Variants in NOL4 observed in about 807,000 individuals in gnomAD.
NOL4 encodes the protein nucleolar protein 4, also known as cancer/testis antigen 125.
Under a neutral mutation model 75.9 loss-of-function variants are expected in NOL4, and 17 were observed. The ratio of observed to expected loss-of-function variants is 0.22; its 90% CI spans 0.15 to 0.34. NOL4 has a LOEUF of 0.34. NOL4 is among the 10% of genes least tolerant of loss of function. The pLI, the probability that NOL4 is intolerant of heterozygous loss-of-function variation, is 1.00. For missense variants in NOL4, 614 were observed against 793.5 expected, an observed-to-expected ratio of 0.77 and a Z score of 2.72; for synonymous variants, 292 against 289.9, an observed-to-expected ratio of 1.01 and a Z score of -0.07.
At chr18:34,096,233 A>G (rs534990491) in intron 4 of NOL4, among the ~76,000 whole-genome samples, 41 of 152,182 alleles carry the variant, frequency 2.7e-4, no homozygotes, top group Non-Finnish European at 5.4e-4. Flanking sequence ...ATTTACCATC[A>G]TAAGTGGCTT....
chr18:33,954,256 T>C (rs957831339), intron 8 of NOL4, among the ~76,000 whole-genome samples: 4 of 152,174 alleles, frequency 2.6e-5, no homozygotes, highest in Non-Finnish European at 5.9e-5. Flanking sequence ...AAAATGTCTA[T>C]ACGTGTTCAA....
chr18:34,155,713 C>T (rs776616770), intron 1 of NOL4, among the ~76,000 whole-genome samples: 2 of 151,982 alleles, frequency 1.3e-5, no homozygotes, highest in Non-Finnish European at 2.9e-5. Context: ...TCATCATATA[C>T]ACTACTCATC....
At chr18:34,105,953 G>A (rs1179466747) in intron 2 of NOL4, among the ~76,000 whole-genome samples, 1 of 151,960 alleles carries the variant, frequency 6.6e-6, no homozygotes, top group Non-Finnish European at 1.5e-5. Context: ...AATTCCTTAT[G>A]TGAAACTGAT....
intron 5 of NOL4, among the ~76,000 whole-genome samples, chr18:34,086,298 AACATCCTTTTAACAATT>A (rs1482335153): frequency 6.6e-6 from 1 of 152,180 alleles, no homozygotes; most frequent in Non-Finnish European, 1.5e-5. Flanking sequence ...TAAAAGAATC[AACATCCTTTTAACAATT>A]TTTGCTCTAT....
At chr18:33,916,998 CTT>C (rs1213476124) in intron 9 of NOL4, among the ~76,000 whole-genome samples, 2 of 152,272 alleles carry the variant, frequency 1.3e-5, no homozygotes, top group African/African-American at 4.8e-5. Flanking sequence ...GAAAACCTCT[CTT>C]TGATGGGATT....
intron 5 of NOL4, among the ~76,000 whole-genome samples, chr18:34,088,012 A>G (rs1469543962): frequency 6.6e-6 from 1 of 151,264 alleles, no homozygotes; most frequent in Non-Finnish European, 1.5e-5. Context: ...AAATGCAAAT[A>G]TATATATATA....
At chr18:34,158,408 AC>A (rs1352394975) in intron 1 of NOL4, among the ~76,000 whole-genome samples, 3 of 151,974 alleles carry the variant, frequency 2.0e-5, no homozygotes, top group Non-Finnish European at 4.4e-5. Flanking sequence ...TATTTAATTT[AC>A]CCCCCACCCT....
At chr18:34,205,111 T>C (rs1266033505) in intron 1 of NOL4, among the ~76,000 whole-genome samples, 26 of 152,142 alleles carry the variant, frequency 1.7e-4, no homozygotes, top group Admixed American at 1.7e-3. Flanking sequence ...AAGTCCTGGA[T>C]TTTAAATTTC....
chr18:34,174,859 A>G (rs2033393881), intron 1 of NOL4, among the ~76,000 whole-genome samples: 1 of 152,110 alleles, frequency 6.6e-6, no homozygotes, highest in African/African-American at 2.4e-5. Flanking sequence ...ACATGAATTC[A>G]TCCTTTTTTA....
At chr18:34,070,391 G>A (rs531227280) in intron 5 of NOL4, among the ~76,000 whole-genome samples, 89 of 152,312 alleles carry the variant, frequency 5.8e-4, no homozygotes, top group Admixed American at 9.2e-4. Context: ...AAATGAAAAC[G>A]TGATGGTGGC....
At chr18:34,200,862 AT>A (rs1219981223) in intron 1 of NOL4, among the ~76,000 whole-genome samples, 8 of 151,266 alleles carry the variant, frequency 5.3e-5, no homozygotes, top group South Asian at 2.1e-4. Context: ...AAGAAAGACA[AT>A]TTTTTTTTCC....
chr18:33,868,137 G>C (rs1079496), intron 10 of NOL4, among the ~76,000 whole-genome samples: 1 of 150,962 alleles, frequency 6.6e-6, no homozygotes, highest in African/African-American at 2.4e-5. Context: ...TCTAGAGCTC[G>C]AGTGATCCTC....
chr18:33,967,019 A>G (rs1379540745), intron 6 of NOL4, among the ~76,000 whole-genome samples: 1 of 152,200 alleles, frequency 6.6e-6, no homozygotes, highest in East Asian at 1.9e-4. Context: ...TCAAATAGCC[A>G]AAGCAATTCT....
chr18:33,875,945 A>G (rs1198300289), intron 10 of NOL4, among the ~76,000 whole-genome samples: 2 of 152,062 alleles, frequency 1.3e-5, no homozygotes, highest in African/African-American at 4.8e-5. Context: ...GGGAGTGATC[A>G]ATCTTCCAAA....
intron 6 of NOL4, among the ~76,000 whole-genome samples, chr18:34,005,222 T>C (rs901792906): frequency 2.6e-5 from 4 of 152,094 alleles, no homozygotes; most frequent in African/African-American, 7.2e-5. Flanking sequence ...TCCAGGGACA[T>C]GCAATTCAAT....
intron 9 of NOL4, among the ~76,000 whole-genome samples, chr18:33,940,194 A>C (rs144516981): frequency 0.028 from 4,308 of 152,180 alleles, 205 homozygotes; most frequent in African/African-American, 0.098. Context: ...CAGCAATCCC[A>C]TTATTGGGTA....
chr18:34,073,612 T>C (rs781217240), intron 5 of NOL4, among the ~76,000 whole-genome samples: 19 of 151,946 alleles, frequency 1.3e-4, no homozygotes, highest in Non-Finnish European at 2.5e-4. Context: ...TCTTAATAAA[T>C]ATTTTCCATC....
intron 1 of NOL4, among the ~76,000 whole-genome samples, chr18:34,158,959 C>A (rs2146150114): frequency 6.6e-6 from 1 of 152,280 alleles, no homozygotes; most frequent in East Asian, 1.9e-4. Flanking sequence ...GGAACAAGGA[C>A]AAATGTTGGA....
chr18:34,074,603 T>C (rs2077667506), intron 5 of NOL4, among the ~76,000 whole-genome samples: 1 of 152,024 alleles, frequency 6.6e-6, no homozygotes, highest in South Asian at 2.1e-4. Flanking sequence ...AAATGTGTTT[T>C]ATAATGGGGA....
Sources: gnomAD v4.1 joint callset for allele counts (sites outside exome capture counted in the v4.1 genomes callset) on GRCh38, gnomAD v4.1.1 for gene constraint, MANE v1.5 for transcripts, NCBI Gene and HGNC (gene_info 2026-07-23, HGNC 2026-07-21) for gene names.